The following OSBPL5 variants were observed in gnomAD, a reference collection of about 807,000 sequenced individuals.
OSBPL5 encodes the protein oxysterol-binding protein-related protein 5.
OSBPL5 carries 71 observed loss-of-function variants against 111.2 expected under a neutral mutation model. The observed-to-expected ratio is 0.64, with a 90% CI of 0.53 to 0.78. The LOEUF (loss-of-function observed/expected upper bound fraction) is 0.78. Ranked by LOEUF, OSBPL5 falls within the 30% of genes least tolerant of loss-of-function variation. OSBPL5 has a pLI of 0.00. For missense variants in OSBPL5, 1,210 were observed against 1,189.3 expected (o/e 1.02, Z -0.26); for synonymous variants, 549 against 513.9 (o/e 1.07, Z -0.93).
At position 3,101,945 on chromosome 11, in the gene OSBPL5, C is replaced by T. The variant is rs1451505262; in HGVS notation, c.1425+238G>A. 3.3e-5 allele frequency among the ~76,000 whole-genome samples: 5 copies of T among 152,176 alleles called. No individual in the cohort carries two copies. The East Asian group carries it at 7.7e-4, about 23-fold the overall frequency. ...CCCATCGGGAGATGGGACACACTGT[C>T]CTCTCCCTAGGGAGACACTGTCTGC... On this transcript the variant is annotated intron_variant, in intron 12 of 21. Coordinates refer to ENST00000263650, the MANE Select transcript of OSBPL5 (RefSeq NM_020896.4).
At chr11:3,102,530 C>T (rs568491748) in intron 11 of OSBPL5, among the ~76,000 whole-genome samples, 3 of 152,294 alleles carry the variant, frequency 2.0e-5, no homozygotes, top group Non-Finnish European at 2.9e-5. Flanking sequence ...AGAAGGGACA[C>T]GAGACCCTGA....
rs1857088613 is a variant in OSBPL5 at position 3,092,326 on chromosome 11, G to A, written c.2259+106C>T. 7.1e-7 allele frequency: 1 copy of A among 1,398,902 alleles called. No homozygotes were observed. The highest frequency in any genetic ancestry group is 2.6e-5 in the East Asian group (1 of 39,196). 86.7% of individuals were successfully genotyped at this position (1,398,902 alleles called of 1,614,324 possible). On this transcript the variant is annotated intron_variant, in intron 19 of 21. Transcript: ENST00000263650. The surrounding 1 kb of genome is among the most constrained non-coding windows in gnomAD (Gnocchi z 5.4). ...AGGGGGCTGGGGGATGAGGGCGTGA[G>A]GGAAACGGAGCGAGGGGAAGGGAGG... is the stretch of plus-strand genomic sequence containing the variant.
At position 3,107,673 on chromosome 11, in the gene OSBPL5, C is replaced by T. The variant is rs113315298; in HGVS notation, c.866+98G>A. ...CAAGTCCCTGCGTGCAGCCTGCAGC[C>T]CACCAGAGCAGTGGCTGGGGCTGTC... On this transcript the variant is annotated intron_variant, in intron 8 of 21. Transcript: ENST00000263650. The surrounding 1 kb of genome is among the most constrained non-coding windows in gnomAD (Gnocchi z 6.1). The T allele has an allele frequency of 5.3e-6, 8 of 1,504,954 alleles. No individual in the cohort carries two copies. Among genetic ancestry groups the T allele is most frequent in the African/African-American group, 2.7e-5 (2 of 73,094 alleles). The allele number at this position is 1,504,954 out of a possible 1,614,324, so 93.2% of individuals were successfully genotyped here. A position where few individuals can be genotyped will look rare whatever the true frequency, so the allele number is the denominator to read the frequency against.
At chr11:3,118,570 A>G (rs1000822839) in intron 7 of OSBPL5, among the ~76,000 whole-genome samples, 13 of 124,162 alleles carry the variant, frequency 1.0e-4, no homozygotes, top group African/African-American at 3.7e-4. Flanking sequence ...AAAATAAACT[A>G]TTTTTTTTTT....
intron 11 of OSBPL5, among the ~76,000 whole-genome samples, chr11:3,102,605 G>A (rs2134409260): frequency 6.6e-6 from 1 of 152,278 alleles, no homozygotes; most frequent in South Asian, 2.1e-4. Flanking sequence ...GCCATGGAAG[G>A]CACCAGGCAG....
chr11:3,094,385 C>A (rs1318083606), intron 14 of OSBPL5, 51 bp from the exon 15 acceptor site: 1 of 1,490,400 alleles, frequency 6.7e-7, no homozygotes. Context: ...CTGCTGAGCC[C>A]CAGGCCCTGC....
In OSBPL5 at chr11:3,140,656, C is replaced by T. The variant is rs1846080668; in HGVS notation, c.-21-11487G>A. 1.3e-5 allele frequency among the ~76,000 whole-genome samples: 2 copies of T among 152,180 alleles called. No homozygotes were observed. Among genetic ancestry groups the T allele is most frequent in the African/African-American group, 4.8e-5 (2 of 41,436 alleles). On this transcript the variant is annotated intron_variant, in intron 1 of 21. Coordinates refer to ENST00000263650, the MANE Select transcript of OSBPL5 (RefSeq NM_020896.4). The surrounding 1 kb of genome is among the most constrained non-coding windows in gnomAD (Gnocchi z 4.5). ...ATCGTCGTCCCGGCTCCCCTCTGTC[C>T]CCCAGCTCACATTACCCAGGACTGG...
chr11:3,155,965 A>T (rs1846746556), intron 1 of OSBPL5, among the ~76,000 whole-genome samples: 3 of 152,234 alleles, frequency 2.0e-5, no homozygotes, highest in Non-Finnish European at 4.4e-5. Context: ...GGTTTTAATT[A>T]ACAAAATGTG....
intron 3 of OSBPL5, among the ~76,000 whole-genome samples, chr11:3,124,147 G>C (rs546040269): frequency 6.6e-6 from 1 of 152,304 alleles, no homozygotes; most frequent in Admixed American, 6.5e-5. Context: ...TACAGAGGAA[G>C]AGCCTACGCA....
In OSBPL5 at chr11:3,141,064, C is replaced by T. The variant is rs752816423; in HGVS notation, c.-21-11895G>A. On this transcript the variant is annotated intron_variant, in intron 1 of 21. Coordinates refer to ENST00000263650, the MANE Select transcript of OSBPL5 (RefSeq NM_020896.4). The surrounding 1 kb of genome is among the most constrained non-coding windows in gnomAD (Gnocchi z 6.5). ...GTGGGGGTCAGCCCAATGCCTTGTA[C>T]GAAGAGGCCCCCAAAACAGGAATAA... Among the ~76,000 whole-genome samples the T allele has an allele frequency of 2.9e-4, 44 of 152,118 alleles. No individual in the cohort carries two copies. The highest frequency in any genetic ancestry group is 5.4e-4 in the Non-Finnish European group (37 of 67,998).
At chr11:3,149,573 G>A (rs528036653) in intron 1 of OSBPL5, among the ~76,000 whole-genome samples, 10 of 152,334 alleles carry the variant, frequency 6.6e-5, no homozygotes, top group Admixed American at 5.2e-4. Flanking sequence ...GCGTCAGGCA[G>A]CAGCAGCAGC....
Position 3,088,046 on chromosome 11 carries a change from C to A in OSBPL5, c.*159G>T, listed in dbSNP as rs1342445840. On this transcript the variant is annotated 3_prime_UTR_variant, in exon 22 of 22. Coordinates refer to ENST00000263650, the MANE Select transcript of OSBPL5 (RefSeq NM_020896.4). Reference sequence around the variant, plus strand: ...CTGAGAGGGGCCCAGCACACCTGGGCCCGCAGCGCCTTGTGGCCCCGGGTC... The same window carrying A: ...CTGAGAGGGGCCCAGCACACCTGGGACCGCAGCGCCTTGTGGCCCCGGGTC... 3.5e-6 allele frequency: 2 copies of A among 578,156 alleles called. No individual in the cohort carries two copies. Among genetic ancestry groups the A allele is most frequent in the Non-Finnish European group, 5.3e-6 (2 of 373,914 alleles). The allele number at this position is 578,156 out of a possible 1,614,324, so 35.8% of individuals were successfully genotyped here. A position where few individuals can be genotyped will look rare whatever the true frequency, so the allele number is the denominator to read the frequency against.
intron 7 of OSBPL5, among the ~76,000 whole-genome samples, chr11:3,112,135 GTGTGTT>G (rs138005239): frequency 0.013 from 1,919 of 152,228 alleles, 50 homozygotes; most frequent in African/African-American, 0.044. Context: ...GCGCATATGT[GTGTGTT>G]TGTATTTAAG....
intron 1 of OSBPL5, among the ~76,000 whole-genome samples, chr11:3,139,345 G>A (rs1187142331): frequency 6.6e-6 from 1 of 152,224 alleles, no homozygotes; most frequent in Non-Finnish European, 1.5e-5. Context: ...AGGGGCATCA[G>A]CTCTGAAGGT....
intron 12 of OSBPL5, 61 bp downstream of exon 12, chr11:3,102,122 C>T: frequency 6.6e-7 from 1 of 1,516,592 alleles, no homozygotes; most frequent in South Asian, 1.2e-5. Context: ...GGCCCCGCCC[C>T]CACAGAGCCC....
chr11:3,103,209 C>G, intron 11 of OSBPL5, 30 bp downstream of exon 11: 1 of 1,569,220 alleles, frequency 6.4e-7, no homozygotes, highest in Non-Finnish European at 8.7e-7. Flanking sequence ...TGGGCCGGAG[C>G]CCCACCCTCC....
intron 7 of OSBPL5, 109 bp from the exon 8 acceptor site, chr11:3,108,054 C>A (rs1857775812): frequency 2.1e-6 from 3 of 1,411,736 alleles, no homozygotes; most frequent in Non-Finnish European, 2.8e-6. Context: ...AGGGACCCAC[C>A]CCCTCCATCC....
intron 3 of OSBPL5, among the ~76,000 whole-genome samples, chr11:3,123,042 G>A (rs575348809): frequency 1.3e-5 from 2 of 152,338 alleles, no homozygotes; most frequent in South Asian, 4.1e-4. Flanking sequence ...TACTGGTGGG[G>A]GGTGTGCAGT....
chr11:3,118,396 G>A (rs1858283355), intron 7 of OSBPL5, among the ~76,000 whole-genome samples: 1 of 152,120 alleles, frequency 6.6e-6, no homozygotes, highest in Non-Finnish European at 1.5e-5. Flanking sequence ...TCCCGGCTTT[G>A]ATTGTCCCGC....
Sources: allele counts gnomAD v4.1 joint callset (sites outside exome capture counted in the v4.1 genomes callset), GRCh38; gene constraint gnomAD v4.1.1; non-coding constraint Gnocchi (gnomAD v3.1); transcripts MANE v1.5; gene names NCBI Gene and HGNC (gene_info 2026-07-23, HGNC 2026-07-21).